LDHAL6A: variants seen among roughly 807,000 people sequenced by gnomAD.
LDHAL6A encodes the protein L-lactate dehydrogenase A-like 6A.
Under a neutral mutation model 28.2 loss-of-function variants are expected in LDHAL6A, and 19 were observed. The observed-to-expected ratio is 0.67, with a 90% CI of 0.47 to 0.99. The LOEUF is 0.99. Ranked by LOEUF, LDHAL6A falls within the 50% of genes least tolerant of loss-of-function variation. LDHAL6A has a pLI of 0.00. For missense variants in LDHAL6A, 372 were observed against 398.6 expected (o/e 0.93, Z 0.57); for synonymous variants, 144 against 134.4 (o/e 1.07, Z -0.49).
At position 18,475,611 on chromosome 11, in the gene LDHAL6A, G is replaced by A; in HGVS notation, c.564G>A (p.Leu188=). 6.2e-7 allele frequency: 1 copy of A among 1,613,448 alleles called. No homozygotes were observed. The highest frequency in any genetic ancestry group is 8.5e-7 in the Non-Finnish European group (1 of 1,179,752). Residue 188 remains leucine, a synonymous_variant, in exon 4 of 7, where the codon CTG becomes CTA. Coordinates refer to ENST00000280706, the MANE Select transcript of LDHAL6A (RefSeq NM_144972.5). ...LGIHSESCHG[L]ILGEHGDSSV... ...TCCACTCTGAAAGCTGTCATGGGCT[G>A]ATCCTTGGAGAGCATGGCGACTCAA...
At chr11:18,461,396 G>T (rs975331657) in intron 1 of LDHAL6A, among the ~76,000 whole-genome samples, 1 of 151,726 alleles carries the variant, frequency 6.6e-6, no homozygotes, top group African/African-American at 2.4e-5. Flanking sequence ...GCCCACCTTG[G>T]CCTCCCAAAG....
chr11:18,478,240 A>G (rs1237412431), intron 6 of LDHAL6A, among the ~76,000 whole-genome samples: 2 of 152,180 alleles, frequency 1.3e-5, no homozygotes, highest in African/African-American at 4.8e-5. Context: ...CTGCAAACAA[A>G]GTCATAGGAA....
intron 3 of LDHAL6A, among the ~76,000 whole-genome samples, chr11:18,472,667 G>A (rs866355029): frequency 1.4e-4 from 22 of 152,260 alleles, no homozygotes; most frequent in African/African-American, 4.8e-4. Flanking sequence ...TTTAAAGTAT[G>A]AGTTATTACA....
intron 3 of LDHAL6A, among the ~76,000 whole-genome samples, chr11:18,471,760 A>AT (rs1438130659): frequency 3.6e-5 from 5 of 137,888 alleles, no homozygotes; most frequent in African/African-American, 1.3e-4. Context: ...CCCTGTCTCT[A>AT]TTAAAAAAAA....
At chr11:18,475,225 TGTGGA>T (rs1849342649) in intron 3 of LDHAL6A, 1 of 392,042 alleles carries the variant, frequency 2.6e-6, no homozygotes, top group Non-Finnish European at 4.6e-6. Context: ...CAGAATTTTC[TGTGGA>T]GTGAACATTC....
At chr11:18,471,954 G>C (rs886531859) in intron 3 of LDHAL6A, among the ~76,000 whole-genome samples, 2 of 151,518 alleles carry the variant, frequency 1.3e-5, no homozygotes, top group Non-Finnish European at 2.9e-5. Context: ...TTAGAGGGCA[G>C]TACGGTAAGG....
Position 18,462,956 on chromosome 11 carries a change from T to A in LDHAL6A, c.127-1005T>A, listed in dbSNP as rs1220452059. On this transcript the variant is annotated intron_variant, in intron 1 of 6. Coordinates refer to ENST00000280706, the MANE Select transcript of LDHAL6A (RefSeq NM_144972.5). ...GAATCAGTTTCTTGTATTTCTAGTG[T>A]TTTTTTTTTTTCAAATAGAAGTATA... Among the ~76,000 whole-genome samples the A allele has an allele frequency of 1.5e-3, 9 of 6,170 alleles. No homozygotes were observed. In the South Asian group the frequency reaches 0.071, roughly 49 times the overall value. 4.0% of individuals were successfully genotyped at this position (6,170 alleles called of 152,430 possible).
At chr11:18,466,132 T>A (rs1849065397) in intron 3 of LDHAL6A, among the ~76,000 whole-genome samples, 1 of 152,226 alleles carries the variant, frequency 6.6e-6, no homozygotes, top group African/African-American at 2.4e-5. Flanking sequence ...GCATCCATGT[T>A]GCTGCAAAGG....
chr11:18,467,928 TATATATATACACACAC>T (rs1565071089), intron 3 of LDHAL6A, among the ~76,000 whole-genome samples: 10 of 69,146 alleles, frequency 1.4e-4, no homozygotes, highest in African/African-American at 5.6e-4. Flanking sequence ...TACACACACA[TATATATATACACACAC>T]ATATATATAT....
In LDHAL6A at chr11:18,464,977, G is replaced by GTTTTTTTTGTTTTTTTTTTTT. The variant is rs1849016188; in HGVS notation, c.245-652_245-651insGTTTTTTTTTTTTTTTTTTTT. On this transcript the variant is annotated intron_variant, in intron 2 of 6. Transcript: ENST00000280706. ...TTTTAGGAGGTGAGGTGTTTTTTTT[G>GTTTTTTTTGTTTTTTTTTTTT]TTTTTTTTTGTTTTGTTTTGTTTTG... Among the ~76,000 whole-genome samples the GTTTTTTTTGTTTTTTTTTTTT allele has an allele frequency of 8.8e-5, 11 of 125,480 alleles. 1 individual carries two copies. The highest frequency in any genetic ancestry group is 1.0e-4 in the African/African-American group (3 of 29,724). The allele number at this position is 125,480 out of a possible 152,430, so 82.3% of individuals were successfully genotyped here. A position where few individuals can be genotyped will look rare whatever the true frequency, so the allele number is the denominator to read the frequency against.
intron 3 of LDHAL6A, among the ~76,000 whole-genome samples, chr11:18,467,874 T>TAC (rs1170879155): frequency 0.12 from 4,360 of 36,914 alleles, 450 homozygotes; most frequent in Middle Eastern, 0.24. Context: ...TATATATATA[T>TAC]ACACACATAT....
chr11:18,464,998 T>G (rs1416422876), intron 2 of LDHAL6A, among the ~76,000 whole-genome samples: 3 of 147,096 alleles, frequency 2.0e-5, no homozygotes, highest in Admixed American at 6.8e-5. Flanking sequence ...TTTTGTTTTG[T>G]TTTGGTTTGT....
At chr11:18,470,462 G>A (rs1242188976) in intron 3 of LDHAL6A, among the ~76,000 whole-genome samples, 4 of 152,158 alleles carry the variant, frequency 2.6e-5, no homozygotes, top group South Asian at 2.1e-4. Flanking sequence ...GTTCAAATCA[G>A]AGTTTTAAGG....
At chr11:18,475,880 TA>T (rs1849365729) in intron 4 of LDHAL6A, among the ~76,000 whole-genome samples, 1 of 152,198 alleles carries the variant, frequency 6.6e-6, no homozygotes, top group Admixed American at 6.5e-5. Context: ...ACGCTTTTCT[TA>T]AATAGAGAAC....
chr11:18,462,303 C>A (rs1848932908), intron 1 of LDHAL6A, among the ~76,000 whole-genome samples: 1 of 151,978 alleles, frequency 6.6e-6, no homozygotes, highest in Non-Finnish European at 1.5e-5. Flanking sequence ...GAGTTTGAGA[C>A]CAGCCTGGCC....
Position 18,469,229 on chromosome 11 carries a change from AG to A in LDHAL6A, c.418+3420del, listed in dbSNP as rs758082004. On this transcript the variant is annotated intron_variant, in intron 3 of 6. Transcript: ENST00000280706. ...TCAGGGCACTGAAGTCTGTGGGGAC[AG>A]TAAGTTCACATTTACTGTTTGTGTT... is the stretch of plus-strand genomic sequence containing the variant. 1.3e-5 allele frequency: 8 copies of A among 626,114 alleles called. No individual in the cohort carries two copies. In the South Asian group the frequency reaches 1.5e-4, roughly 11 times the overall value. The allele number at this position is 626,114 out of a possible 1,614,324, so 38.8% of individuals were successfully genotyped here.
chr11:18,472,543 G>T (rs1188218384), intron 3 of LDHAL6A, among the ~76,000 whole-genome samples: 4 of 152,046 alleles, frequency 2.6e-5, no homozygotes, highest in African/African-American at 9.7e-5. Flanking sequence ...TAAAAAATAT[G>T]GATTTACAAA....
chr11:18,478,960 A>G lies in LDHAL6A; in HGVS notation c.*90A>G, dbSNP rs892315129. On this transcript the variant is annotated 3_prime_UTR_variant, in exon 7 of 7. Coordinates refer to ENST00000280706, the MANE Select transcript of LDHAL6A (RefSeq NM_144972.5). ...ACTTTTGAATAAATTTGAATTTCTA[A>G]AAGTTGGAAAAATAGAGGAAAGAGT... is the stretch of plus-strand genomic sequence containing the variant. 77 of 1,181,468 alleles carry G rather than the reference A, an allele frequency of 6.5e-5. No homozygotes were observed. The East Asian group carries it at 1.8e-3, about 27-fold the overall frequency. 73.2% of individuals were successfully genotyped at this position (1,181,468 alleles called of 1,614,324 possible). A position where few individuals can be genotyped will look rare whatever the true frequency, so the allele number is the denominator to read the frequency against.
At chr11:18,460,452 G>C (rs1848869142) in intron 1 of LDHAL6A, among the ~76,000 whole-genome samples, 1 of 151,720 alleles carries the variant, frequency 6.6e-6, no homozygotes, top group Non-Finnish European at 1.5e-5. Context: ...AACTAGCTGG[G>C]CACGGTGGCA....
Sources: allele counts gnomAD v4.1 joint callset (sites outside exome capture counted in the v4.1 genomes callset), GRCh38; gene constraint gnomAD v4.1.1; transcripts MANE v1.5; gene names NCBI Gene and HGNC (gene_info 2026-07-23, HGNC 2026-07-21).